Variants in CHST11 observed in about 807,000 individuals in gnomAD.
CHST11 encodes the protein C4S-1.
In CHST11, 9 loss-of-function variants were observed where a neutral mutation model predicts 30.4. The ratio of observed to expected loss-of-function variants is 0.30; its 90% CI spans 0.18 to 0.52. The LOEUF is 0.52. Ranked by LOEUF, CHST11 falls within the 20% of genes least tolerant of loss-of-function variation. CHST11 has a pLI of 0.97. For synonymous variants in CHST11, 152 were observed against 187.8 expected, an observed-to-expected ratio of 0.81 and a Z score of 1.56; for missense variants, 348 against 460.6, an observed-to-expected ratio of 0.76 and a Z score of 2.24.
At chr12:104,693,872 A>C (rs1358933701) in intron 2 of CHST11, among the ~76,000 whole-genome samples, 1 of 152,214 alleles carries the variant, frequency 6.6e-6, no homozygotes, top group Non-Finnish European at 1.5e-5. Flanking sequence ...GCTTATATAA[A>C]ATGAGATACA....
intron 2 of CHST11, among the ~76,000 whole-genome samples, chr12:104,701,584 C>G (rs1259565747): frequency 5.3e-5 from 8 of 152,268 alleles, no homozygotes; most frequent in African/African-American, 1.7e-4. Flanking sequence ...GCTAAAGACA[C>G]AGTTGTTCAG....
intron 1 of CHST11, among the ~76,000 whole-genome samples, chr12:104,485,988 G>T (rs1459172724): frequency 6.6e-6 from 1 of 152,214 alleles, no homozygotes; most frequent in Non-Finnish European, 1.5e-5. Context: ...CATTCTGTGT[G>T]CGTGTGTGTG....
intron 2 of CHST11, among the ~76,000 whole-genome samples, chr12:104,619,796 G>A (rs1234015560): frequency 6.6e-6 from 1 of 152,150 alleles, no homozygotes; most frequent in African/African-American, 2.4e-5. Flanking sequence ...ATTCACCAAG[G>A]GTAAAGAATT....
At chr12:104,503,905 A>G (rs1384715956) in intron 1 of CHST11, among the ~76,000 whole-genome samples, 1 of 152,176 alleles carries the variant, frequency 6.6e-6, no homozygotes, top group East Asian at 1.9e-4. Flanking sequence ...AGAGGAAAAA[A>G]AGTCATCAGG....
At chr12:104,482,248 G>A (rs1445555669) in intron 1 of CHST11, among the ~76,000 whole-genome samples, 2 of 151,060 alleles carry the variant, frequency 1.3e-5, no homozygotes, top group Admixed American at 6.6e-5. Flanking sequence ...TGCTGAAGAC[G>A]GTGTGTCATC....
chr12:104,737,856 G>T (rs910205679), intron 2 of CHST11, among the ~76,000 whole-genome samples: 1 of 152,098 alleles, frequency 6.6e-6, no homozygotes, highest in Admixed American at 6.5e-5. Flanking sequence ...GGAGGGCGAG[G>T]CTGTCCCCTG....
intron 1 of CHST11, among the ~76,000 whole-genome samples, chr12:104,464,270 G>C (rs763659191): frequency 6.6e-6 from 1 of 151,934 alleles, no homozygotes; most frequent in Non-Finnish European, 1.5e-5. Flanking sequence ...GTTTTGCCAT[G>C]TTGGCCAAGC....
At chr12:104,708,810 G>C (rs376007169) in intron 2 of CHST11, among the ~76,000 whole-genome samples, 6 of 152,196 alleles carry the variant, frequency 3.9e-5, no homozygotes, top group Non-Finnish European at 7.3e-5. Flanking sequence ...TCTCCAGAAG[G>C]CTCCAGCACG....
At position 104,709,378 on chromosome 12, in the gene CHST11, G is replaced by A. The variant is rs1039788317; in HGVS notation, c.205-47571G>A. ...GGCAGGTGGCTTTGGGGACAGGAAA[G>A]CCAAAAGGCAGACGTGGCCCTCACA... On this transcript the variant is annotated intron_variant, in intron 2 of 2. Transcript: ENST00000303694. Among the ~76,000 whole-genome samples, 24 of 152,348 alleles carry A rather than the reference G, an allele frequency of 1.6e-4. 1 individual carries two copies. Among genetic ancestry groups the A allele is most frequent in the Admixed American group, 1.4e-3 (22 of 15,302 alleles).
chr12:104,694,095 T>C (rs551339152), intron 2 of CHST11, among the ~76,000 whole-genome samples: 1 of 152,250 alleles, frequency 6.6e-6, no homozygotes, highest in South Asian at 2.1e-4. Context: ...TATCTCAAAG[T>C]TTGTGGTCTT....
At chr12:104,731,360 T>A (rs1007547358) in intron 2 of CHST11, among the ~76,000 whole-genome samples, 9 of 152,198 alleles carry the variant, frequency 5.9e-5, no homozygotes, top group African/African-American at 2.2e-4. Flanking sequence ...ACCAAAGAGA[T>A]GTCATCCTCC....
chr12:104,559,528 A>G (rs2038492260), intron 1 of CHST11, among the ~76,000 whole-genome samples: 1 of 152,232 alleles, frequency 6.6e-6, no homozygotes, highest in Non-Finnish European at 1.5e-5. Context: ...GAATCACCTA[A>G]GGTCAGGAGT....
intron 2 of CHST11, among the ~76,000 whole-genome samples, chr12:104,663,505 T>G (rs187655642): frequency 4.6e-5 from 7 of 152,328 alleles, no homozygotes; most frequent in Admixed American, 4.6e-4. Context: ...TATTCATGTT[T>G]GTATTTTTTA....
chr12:104,468,569 A>C (rs895225209), intron 1 of CHST11, among the ~76,000 whole-genome samples: 1 of 152,220 alleles, frequency 6.6e-6, no homozygotes, highest in Non-Finnish European at 1.5e-5. Context: ...GAATGATTGC[A>C]GTTTAGTGAT....
At chr12:104,537,436 A>G (rs953907559) in intron 1 of CHST11, among the ~76,000 whole-genome samples, 13 of 152,208 alleles carry the variant, frequency 8.5e-5, no homozygotes, top group African/African-American at 2.9e-4. Flanking sequence ...CTGAGGTCCA[A>G]TGACTTGGGT....
intron 1 of CHST11, among the ~76,000 whole-genome samples, chr12:104,466,016 C>A (rs1014191721): frequency 7.2e-5 from 11 of 151,934 alleles, no homozygotes; most frequent in Non-Finnish European, 5.9e-5. Context: ...CCCGCCATCA[C>A]GCCCAGCCAA....
At position 104,633,559 on chromosome 12, in the gene CHST11, T is replaced by C. The variant is rs187688537; in HGVS notation, c.204+31568T>C. ...CCTCCCGAGTAGCTGGGATTACAGGTGCCCGCCACCACACTCGGCTCATTT... is the reference window on the plus strand; with the variant it reads ...CCTCCCGAGTAGCTGGGATTACAGGCGCCCGCCACCACACTCGGCTCATTT... On this transcript the variant is annotated intron_variant, in intron 2 of 2. Coordinates refer to ENST00000303694, the MANE Select transcript of CHST11 (RefSeq NM_018413.6). Among the ~76,000 whole-genome samples, 463 of 151,606 alleles carry C rather than the reference T, an allele frequency of 3.1e-3. 5 individuals carry two copies. The highest frequency in any genetic ancestry group is 0.011 in the African/African-American group (443 of 41,334).
intron 1 of CHST11, among the ~76,000 whole-genome samples, chr12:104,475,599 C>T (rs1005719774): frequency 6.9e-6 from 1 of 144,008 alleles, no homozygotes; most frequent in Non-Finnish European, 1.5e-5. Context: ...GGTGGCCCCA[C>T]TGGCTCCTTC....
chr12:104,708,888 T>G (rs1342051796), intron 2 of CHST11, among the ~76,000 whole-genome samples: 2 of 152,118 alleles, frequency 1.3e-5, no homozygotes, highest in African/African-American at 4.8e-5. Flanking sequence ...GGTTGAAAAG[T>G]GTGTCATTTT....
Sources: gnomAD v4.1 joint callset for allele counts (sites outside exome capture counted in the v4.1 genomes callset) on GRCh38, gnomAD v4.1.1 for gene constraint, MANE v1.5 for transcripts, NCBI Gene and HGNC (gene_info 2026-07-23, HGNC 2026-07-21) for gene names.